MOV10L1: variants seen among roughly 807,000 people sequenced by gnomAD.
The protein encoded by MOV10L1 is Mov10 like RNA helicase 1.
Under a neutral mutation model 143.8 loss-of-function variants are expected in MOV10L1, and 110 were observed. The ratio of observed to expected loss-of-function variants is 0.76; its 90% CI spans 0.66 to 0.90. The LOEUF is 0.90. MOV10L1 is among the 40% of genes least tolerant of loss of function. The pLI is 0.00. For missense variants in MOV10L1, 1,406 were observed against 1,526.8 expected, an observed-to-expected ratio of 0.92 and a Z score of 1.32; for synonymous variants, 593 against 581.1, an observed-to-expected ratio of 1.02 and a Z score of -0.29.
chr22:50,143,279 G>C (rs1205625986), intron 17 of MOV10L1, 58 bp downstream of exon 17: 2 of 1,542,512 alleles, frequency 1.3e-6, no homozygotes, highest in Admixed American at 1.7e-5. Flanking sequence ...TGTGTCGTCT[G>C]TGTCTTCAGG....
intron 19 of MOV10L1, among the ~76,000 whole-genome samples, chr22:50,148,944 G>T (rs988257460): frequency 6.6e-6 from 1 of 152,210 alleles, no homozygotes; most frequent in Non-Finnish European, 1.5e-5. Flanking sequence ...CATTACAGGC[G>T]TGAGCCACTG....
chr22:50,148,566 C>T (rs947173801), intron 19 of MOV10L1, among the ~76,000 whole-genome samples: 5 of 152,168 alleles, frequency 3.3e-5, no homozygotes, highest in African/African-American at 1.2e-4. Flanking sequence ...GACAGGTACC[C>T]GCCAGGAGGG....
At chr22:50,092,235 GTGT>G in intron 2 of MOV10L1, 50 bp downstream of exon 2, 1 of 1,541,810 alleles carries the variant, frequency 6.5e-7, no homozygotes, top group Non-Finnish European at 8.9e-7. Flanking sequence ...ACGGGACTTT[GTGT>G]TGTTTTTCCT....
At chr22:50,108,914 G>A in intron 5 of MOV10L1, 70 bp downstream of exon 5, 7 of 1,473,420 alleles carry the variant, frequency 4.8e-6, no homozygotes, top group Non-Finnish European at 6.5e-6. Flanking sequence ...GGAGGCTGAG[G>A]CAGACGGATC....
At chr22:50,121,487 G>A (rs927572408) in intron 10 of MOV10L1, among the ~76,000 whole-genome samples, 9 of 152,174 alleles carry the variant, frequency 5.9e-5, no homozygotes, top group African/African-American at 2.2e-4. Context: ...CCAATGCCAG[G>A]GAAAACCCGG....
At chr22:50,131,627 A>G (rs1324335967) in intron 13 of MOV10L1, among the ~76,000 whole-genome samples, 1 of 152,136 alleles carries the variant, frequency 6.6e-6, no homozygotes, top group Admixed American at 6.5e-5. Context: ...TGGGGTATGA[A>G]TGGAAATTGG....
chr22:50,144,078 T>C lies in MOV10L1; in HGVS notation c.2359-19T>C, dbSNP rs1412241401. 1 of 1,601,036 alleles carries C rather than the reference T, an allele frequency of 6.2e-7. No homozygotes were observed. Among genetic ancestry groups the C allele is most frequent in the Non-Finnish European group, 8.6e-7 (1 of 1,168,892 alleles). ...GGTGTGGATGTTGAGCCTTGGTCTC[T>C]TGTGTGTCTTTGATGAAGGTACACT... is the stretch of plus-strand genomic sequence containing the variant. On this transcript the variant is annotated intron_variant, in intron 17 of 26. Coordinates refer to ENST00000262794, the MANE Select transcript of MOV10L1 (RefSeq NM_018995.3).
chr22:50,152,497 T>C lies in MOV10L1; in HGVS notation c.2893-548T>C, dbSNP rs1214426404. On this transcript the variant is annotated intron_variant, in intron 21 of 26. Coordinates refer to ENST00000262794, the MANE Select transcript of MOV10L1 (RefSeq NM_018995.3). This position sits in a 1 kb window ranked among gnomAD's most constrained non-coding sequence, Gnocchi z 4.4. ...AAGTTGGAGGCAGACAGTAAAGGTG[T>C]CCCATGTACTGGTGATATCACAGTC... Among the ~76,000 whole-genome samples, 3 of 152,138 alleles carry C rather than the reference T, an allele frequency of 2.0e-5. No homozygotes were observed. Among genetic ancestry groups the C allele is most frequent in the African/African-American group, 7.2e-5 (3 of 41,438 alleles).
At chr22:50,135,206 G>T (rs2062790092) in intron 15 of MOV10L1, among the ~76,000 whole-genome samples, 1 of 151,694 alleles carries the variant, frequency 6.6e-6, no homozygotes, top group Non-Finnish European at 1.5e-5. Flanking sequence ...TAGAAACAGG[G>T]TTTCACCATA....
At chr22:50,146,366 G>T (rs1289868927) in intron 19 of MOV10L1, among the ~76,000 whole-genome samples, 1 of 152,186 alleles carries the variant, frequency 6.6e-6, no homozygotes, top group East Asian at 1.9e-4. Context: ...TGGATTGTGG[G>T]GTGCCGGCTG....
At chr22:50,128,540 CT>C (rs36022529) in intron 13 of MOV10L1, 33 bp downstream of exon 13, 87,479 of 471,790 alleles carry the variant, frequency 0.19, 1,012 homozygotes, top group East Asian at 0.24. Flanking sequence ...TTTCAAATGT[CT>C]TTTTTTTTTT....
intron 14 of MOV10L1, 37 bp from the exon 15 acceptor site, chr22:50,134,493 G>A (rs780478473): frequency 2.5e-5 from 39 of 1,562,194 alleles, no homozygotes; most frequent in Non-Finnish European, 3.2e-5. Context: ...TAGCTTTTTA[G>A]TTATACCCGT....
chr22:50,104,453 T>C (rs2061820338), intron 3 of MOV10L1, among the ~76,000 whole-genome samples: 1 of 152,188 alleles, frequency 6.6e-6, no homozygotes, highest in South Asian at 2.1e-4. Context: ...GCGTCTGTCC[T>C]TCCCATGAGG....
chr22:50,131,999 G>A (rs73185384), intron 13 of MOV10L1, among the ~76,000 whole-genome samples: 12,901 of 152,198 alleles, frequency 0.085, 644 homozygotes, highest in South Asian at 0.17. Context: ...GTTCGTAGGC[G>A]GCTGTCTTTT....
In MOV10L1 at chr22:50,126,251, A is replaced by G. The variant is rs552091854; in HGVS notation, c.1797A>G (p.Glu599=). 9.1e-5 allele frequency: 147 copies of G among 1,612,632 alleles called. 1 individual carries two copies. In the South Asian group the frequency reaches 1.4e-3, roughly 15 times the overall value. ...AAGAGTACAATGGACATGCCATCGA[A>G]TACATCAGCTACGTGACTGAGGTGA... The part of the protein sequence containing the change: ...KTQEYNGHAI[E]YISYVTEIHE... The change falls in exon 12 of 27, where the codon GAA becomes GAG. Residue 599 remains glutamate (E), a synonymous_variant. Coordinates refer to ENST00000262794, the MANE Select transcript of MOV10L1 (RefSeq NM_018995.3).
intron 8 of MOV10L1, among the ~76,000 whole-genome samples, chr22:50,116,298 T>C (rs1484846698): frequency 6.7e-6 from 1 of 149,896 alleles, no homozygotes; most frequent in Non-Finnish European, 1.5e-5. Flanking sequence ...ATAAAAAAAA[T>C]TAGCTGGGCG....
At chr22:50,102,731 G>A (rs375243975) in intron 3 of MOV10L1, among the ~76,000 whole-genome samples, 133 of 152,044 alleles carry the variant, frequency 8.7e-4, no homozygotes, top group South Asian at 8.5e-3. Flanking sequence ...GAGAAACCCC[G>A]TCTCTACTAA....
intron 9 of MOV10L1, among the ~76,000 whole-genome samples, chr22:50,118,252 A>G (rs955298796): frequency 1.5e-5 from 2 of 131,924 alleles, no homozygotes; most frequent in Non-Finnish European, 3.4e-5. Flanking sequence ...ACCACCACCA[A>G]GAAGCTGTGT....
In MOV10L1 at chr22:50,143,425, T is replaced by C. The variant is rs183585496; in HGVS notation, c.2358+204T>C. 4.1e-5 allele frequency: 25 copies of C among 602,700 alleles called. No homozygotes were observed. The East Asian group carries it at 7.5e-4, about 18-fold the overall frequency. The allele number at this position is 602,700 out of a possible 1,614,324, so 37.3% of individuals were successfully genotyped here. The stretch of plus-strand genomic sequence containing the variant: ...TTTCATAGGTTTAGAAGGAAACTCA[T>C]TTTTAGCCTGGTAAACTATTTTATC... On this transcript the variant is annotated intron_variant, in intron 17 of 26. Transcript: ENST00000262794.
Sources: allele counts gnomAD v4.1 joint callset (sites outside exome capture counted in the v4.1 genomes callset), GRCh38; gene constraint gnomAD v4.1.1; non-coding constraint Gnocchi (gnomAD v3.1); transcripts MANE v1.5; gene names NCBI Gene and HGNC (gene_info 2026-07-23, HGNC 2026-07-21).